The following ATP8B4 variants were observed in gnomAD, a reference collection of about 807,000 sequenced individuals.
The protein encoded by ATP8B4 is probable phospholipid-transporting ATPase IM.
ATP8B4 carries 133 observed loss-of-function variants against 145.6 expected under a neutral mutation model. The ratio of observed to expected loss-of-function variants is 0.91; its 90% CI spans 0.79 to 1.05. ATP8B4 has a LOEUF of 1.05. ATP8B4 is among the 50% of genes least tolerant of loss of function. The pLI is 0.00. For synonymous variants in ATP8B4, 507 were observed against 492.9 expected, an observed-to-expected ratio of 1.03 and a Z score of -0.38; for missense variants, 1,458 against 1,425.2, an observed-to-expected ratio of 1.02 and a Z score of -0.37.
chr15:49,930,955 T>A (rs769703790), intron 16 of ATP8B4, among the ~76,000 whole-genome samples, 164 bp downstream of exon 16: 5 of 152,058 alleles, frequency 3.3e-5, no homozygotes, highest in Non-Finnish European at 7.4e-5. Flanking sequence ...GTTAGTTATA[T>A]ATCACTGCAG....
chr15:49,912,751 C>T (rs2039360807), intron 20 of ATP8B4, among the ~76,000 whole-genome samples: 1 of 152,074 alleles, frequency 6.6e-6, no homozygotes, highest in Non-Finnish European at 1.5e-5. Context: ...CTCTGATGAA[C>T]ATAGACATAA....
chr15:49,909,177 G>A (rs970596754), intron 20 of ATP8B4, among the ~76,000 whole-genome samples: 3 of 152,170 alleles, frequency 2.0e-5, no homozygotes, highest in Middle Eastern at 3.4e-3. Context: ...ATACCACCTA[G>A]GGGCCTGGGG....
chr15:50,159,825 C>T (rs963506804), intron 1 of ATP8B4, among the ~76,000 whole-genome samples: 5 of 152,076 alleles, frequency 3.3e-5, no homozygotes, highest in Non-Finnish European at 7.4e-5. Context: ...GAATAAATCC[C>T]ACTTGGTCAT....
At chr15:50,089,243 A>T (rs1316054462) in intron 2 of ATP8B4, among the ~76,000 whole-genome samples, 1 of 152,212 alleles carries the variant, frequency 6.6e-6, no homozygotes, top group African/African-American at 2.4e-5. Context: ...CAAAAATATC[A>T]AAAGCAATTG....
At position 50,074,227 on chromosome 15, in the gene ATP8B4, C is replaced by T. The variant is rs1431199937; in HGVS notation, c.29-42G>A. ...CAAGTATGAAATTAAATTGTAGGCCCAGAGAAACAAATAACTCATTAAAAC... is the reference window on the plus strand; with the variant it reads ...CAAGTATGAAATTAAATTGTAGGCCTAGAGAAACAAATAACTCATTAAAAC... On this transcript the variant is annotated intron_variant, in intron 2 of 27. Coordinates refer to ENST00000284509, the MANE Select transcript of ATP8B4 (RefSeq NM_024837.4). 4 of 1,533,038 alleles carry T rather than the reference C, an allele frequency of 2.6e-6. No individual in the cohort carries two copies. The East Asian group carries it at 6.8e-5, about 26-fold the overall frequency. 95.0% of individuals were successfully genotyped at this position (1,533,038 alleles called of 1,614,324 possible).
chr15:50,129,318 G>T (rs888742278), intron 1 of ATP8B4, among the ~76,000 whole-genome samples: 1 of 152,140 alleles, frequency 6.6e-6, no homozygotes, highest in African/African-American at 2.4e-5. Context: ...AGTTCTAGAG[G>T]CTGGAAGACC....
intron 20 of ATP8B4, among the ~76,000 whole-genome samples, chr15:49,910,507 A>G (rs2039116334): frequency 1.3e-5 from 2 of 152,178 alleles, no homozygotes; most frequent in Non-Finnish European, 2.9e-5. Context: ...CAATCCCCAA[A>G]CAGGTACAAT....
chr15:49,944,483 T>C (rs1161434237), intron 14 of ATP8B4, among the ~76,000 whole-genome samples: 3 of 152,076 alleles, frequency 2.0e-5, no homozygotes, highest in Non-Finnish European at 4.4e-5. Context: ...AATATGGACA[T>C]TTCATAAAAG....
chr15:49,986,882 G>A (rs921313132), intron 10 of ATP8B4, among the ~76,000 whole-genome samples: 8 of 102,274 alleles, frequency 7.8e-5, no homozygotes, highest in Admixed American at 1.6e-4. Flanking sequence ...CCCCCATCAT[G>A]CACAGTCTTT....
At chr15:49,893,435 G>A (rs936457953) in intron 23 of ATP8B4, among the ~76,000 whole-genome samples, 1 of 152,136 alleles carries the variant, frequency 6.6e-6, no homozygotes, top group African/African-American at 2.4e-5. Context: ...TAAACAAAAT[G>A]TAGTATATAC....
chr15:49,908,999 C>A (rs1403155682), intron 20 of ATP8B4, among the ~76,000 whole-genome samples: 1 of 152,146 alleles, frequency 6.6e-6, no homozygotes, highest in Non-Finnish European at 1.5e-5. Flanking sequence ...GCAGCTACTG[C>A]CACCCCCACC....
At chr15:50,159,357 T>A (rs2140836670) in intron 1 of ATP8B4, among the ~76,000 whole-genome samples, 1 of 152,352 alleles carries the variant, frequency 6.6e-6, no homozygotes, top group East Asian at 1.9e-4. Context: ...ATCCTGAAAC[T>A]TAACTGAATT....
chr15:49,924,127 C>T (rs868448035), intron 16 of ATP8B4, among the ~76,000 whole-genome samples: 22 of 152,012 alleles, frequency 1.4e-4, no homozygotes, highest in African/African-American at 5.1e-4. Flanking sequence ...ATCGGTAGTA[C>T]TGTGTTTTTA....
At chr15:49,884,613 G>A (rs199757152) in intron 23 of ATP8B4, among the ~76,000 whole-genome samples, 4,889 of 116,572 alleles carry the variant, frequency 0.042, 1 homozygote, top group Non-Finnish European at 0.047. Flanking sequence ...CAAAAAAAAA[G>A]AAAAAAAAAA....
At chr15:49,956,038 A>G (rs2043528255) in intron 14 of ATP8B4, among the ~76,000 whole-genome samples, 2 of 152,202 alleles carry the variant, frequency 1.3e-5, no homozygotes. Context: ...GAATTCAATA[A>G]AGAACAGAAA....
chr15:50,129,905 G>A (rs2057333497), intron 1 of ATP8B4, among the ~76,000 whole-genome samples: 1 of 146,510 alleles, frequency 6.8e-6, no homozygotes, highest in African/African-American at 2.5e-5. Flanking sequence ...TCGAGATGGT[G>A]CCACTGCACT....
chr15:49,977,417 CTT>C (rs956376476), intron 12 of ATP8B4, among the ~76,000 whole-genome samples: 1 of 151,874 alleles, frequency 6.6e-6, no homozygotes, highest in East Asian at 1.9e-4. Flanking sequence ...ACTCTAGACT[CTT>C]TTTTTTCTTT....
intron 16 of ATP8B4, among the ~76,000 whole-genome samples, chr15:49,930,294 CT>C (rs756248397): frequency 3.4e-4 from 51 of 151,912 alleles, no homozygotes; most frequent in South Asian, 1.2e-3. Context: ...TCCTGAGGGC[CT>C]TTATTTTCTT....
At chr15:50,162,025 C>T (rs913898821) in intron 1 of ATP8B4, among the ~76,000 whole-genome samples, 11 of 152,068 alleles carry the variant, frequency 7.2e-5, no homozygotes, top group Admixed American at 1.3e-4. Context: ...AGGATATTTT[C>T]ACTGGATATA....
Sources: allele counts gnomAD v4.1 joint callset (sites outside exome capture counted in the v4.1 genomes callset), GRCh38; gene constraint gnomAD v4.1.1; transcripts MANE v1.5; gene names NCBI Gene and HGNC (gene_info 2026-07-23, HGNC 2026-07-21).